The following DOT1L variants were observed in gnomAD, a reference collection of about 807,000 sequenced individuals.
DOT1L encodes the protein histone-lysine N-methyltransferase, H3 lysine-79 specific.
DOT1L carries 33 observed loss-of-function variants against 153.3 expected under a neutral mutation model. The ratio of observed to expected loss-of-function variants is 0.22; its 90% CI spans 0.16 to 0.29. The LOEUF (loss-of-function observed/expected upper bound fraction) is 0.29. Among genes scored for constraint, DOT1L ranks in the 10% least tolerant of loss-of-function variants. The pLI is 1.00. For synonymous variants in DOT1L, 1,135 were observed against 965.1 expected (o/e 1.18, Z -3.26); for missense variants, 1,847 against 2,119.9 (o/e 0.87, Z 2.53).
intron 22 of DOT1L, among the ~76,000 whole-genome samples, chr19:2,218,938 C>G (rs935762609): frequency 4.7e-4 from 71 of 152,284 alleles, no homozygotes; most frequent in African/African-American, 1.7e-3. Context: ...ATCTTGTGAT[C>G]TTTACTCACT....
rs915232957 is a variant in DOT1L at position 2,228,853 on chromosome 19, C to T, written c.4607-932C>T. The stretch of plus-strand genomic sequence containing the variant: ...CAGAGGTCCTGGAGAGCCAGGGTGG[C>T]TGGCTGGATGCCTCTGGTCGGGGCT... On this transcript the variant is annotated intron_variant, in intron 27 of 27. Coordinates refer to ENST00000398665, the MANE Select transcript of DOT1L (RefSeq NM_032482.3). 1.1e-5 allele frequency: 11 copies of T among 985,298 alleles called. No homozygotes were observed. The African/African-American group carries it at 1.7e-4, about 16-fold the overall frequency. 61.0% of individuals were successfully genotyped at this position (985,298 alleles called of 1,614,324 possible).
At chr19:2,176,227 G>T (rs1261502882) in intron 1 of DOT1L, among the ~76,000 whole-genome samples, 4 of 151,938 alleles carry the variant, frequency 2.6e-5, no homozygotes, top group Non-Finnish European at 5.9e-5. Flanking sequence ...CCAGCCCTCG[G>T]TCCACACAGC....
chr19:2,187,896 T>A (rs1278822619), intron 3 of DOT1L, among the ~76,000 whole-genome samples: 6 of 136,242 alleles, frequency 4.4e-5, no homozygotes, highest in Non-Finnish European at 9.2e-5. Context: ...CACTCCAGCC[T>A]GGGTGACAGA....
intron 1 of DOT1L, among the ~76,000 whole-genome samples, chr19:2,176,313 CTG>C (rs2021931957): frequency 6.6e-6 from 1 of 152,302 alleles, no homozygotes; most frequent in South Asian, 2.1e-4. Context: ...TCGGGGTGCA[CTG>C]CCTGGTGGGG....
At chr19:2,164,928 C>T (rs189121135) in intron 1 of DOT1L, among the ~76,000 whole-genome samples, 76 of 152,316 alleles carry the variant, frequency 5.0e-4, no homozygotes, top group African/African-American at 1.8e-3. Flanking sequence ...ATTGGGACTT[C>T]TCCCCGATCT....
chr19:2,172,252 C>T (rs558694711), intron 1 of DOT1L, among the ~76,000 whole-genome samples: 29 of 151,412 alleles, frequency 1.9e-4, no homozygotes, highest in Non-Finnish European at 3.7e-4. Flanking sequence ...TGCAGTGGCG[C>T]GATCTCTGCT....
At chr19:2,166,971 CT>C (rs2019946115) in intron 1 of DOT1L, among the ~76,000 whole-genome samples, 1 of 152,188 alleles carries the variant, frequency 6.6e-6, no homozygotes, top group African/African-American at 2.4e-5. Flanking sequence ...GCATGTTGCC[CT>C]TTGGTCCTGG....
At chr19:2,228,789 C>T (rs1202928836) in intron 27 of DOT1L, 6 of 985,394 alleles carry the variant, frequency 6.1e-6, no homozygotes, top group Non-Finnish European at 6.0e-6. Flanking sequence ...TGGTGCTGTT[C>T]CCCAGGCGCC....
intron 1 of DOT1L, among the ~76,000 whole-genome samples, chr19:2,169,470 G>A (rs1784558645): frequency 6.6e-6 from 1 of 152,154 alleles, no homozygotes; most frequent in Admixed American, 6.6e-5. Context: ...CTCTGCAGAT[G>A]ATACAGGGAC....
Position 2,208,409 on chromosome 19 carries a change from C to T in DOT1L, c.964-526C>T, listed in dbSNP as rs534589600. ...GAGCCTGCCTGGGGAGCGCTGGTGC[C>T]GTCTGGGGACCGACAGCCCCAGGCA... is the stretch of plus-strand genomic sequence containing the variant. On this transcript the variant is annotated intron_variant, in intron 11 of 27. Transcript: ENST00000398665. This position sits in a 1 kb window ranked among gnomAD's most constrained non-coding sequence, Gnocchi z 4.4. Among the ~76,000 whole-genome samples the T allele has an allele frequency of 1.9e-4, 29 of 152,230 alleles. No homozygotes were observed. The highest frequency in any genetic ancestry group is 4.6e-4 in the Admixed American group (7 of 15,292).
At chr19:2,225,284 C>A in intron 25 of DOT1L, 104 bp from the exon 26 acceptor site, 1 of 1,163,830 alleles carries the variant, frequency 8.6e-7, no homozygotes, top group Non-Finnish European at 1.3e-6. Context: ...GAGTGCTTCT[C>A]GTTCACCACC....
intron 10 of DOT1L, 129 bp downstream of exon 10, chr19:2,206,926 C>T: frequency 1.1e-6 from 1 of 937,676 alleles, no homozygotes; most frequent in Non-Finnish European, 1.7e-6. Context: ...GTGGGGCTGT[C>T]CTGGGCAGTG....
Position 2,216,499 on chromosome 19 carries a change from C to T in DOT1L, c.2142C>T (p.Asn714=), listed in dbSNP as rs371638901. The T allele has an allele frequency of 5.9e-5, 95 of 1,612,484 alleles. No homozygotes were observed. The highest frequency in any genetic ancestry group is 1.7e-4 in the Middle Eastern group (1 of 6,036). The change falls in exon 20 of 28, where the codon AAC becomes AAT. Residue 714 remains asparagine (N), a synonymous_variant. Transcript: ENST00000398665. ...LSSMSPELSM[N]GQAAGYELCG... ...GCATGAGCCCGGAGCTCTCCATGAACGGCCAGGCTGCTGGCTATGAGCTCT... is the reference window on the plus strand; with the variant it reads ...GCATGAGCCCGGAGCTCTCCATGAATGGCCAGGCTGCTGGCTATGAGCTCT...
chr19:2,174,992 GTGTATATA>G lies in DOT1L; in HGVS notation c.82-5719_82-5712del, dbSNP rs1307105016. ...TGTGTGTGTGTGTGTGTGTGTGTGT[GTGTATATA>G]TATATTTTTTTTTTTTTAGATGGAG... is the stretch of plus-strand genomic sequence containing the variant. On this transcript the variant is annotated intron_variant, in intron 1 of 27. Coordinates refer to ENST00000398665, the MANE Select transcript of DOT1L (RefSeq NM_032482.3). 1.0e-4 allele frequency among the ~76,000 whole-genome samples: 10 copies of G among 98,084 alleles called. No homozygotes were observed. In the East Asian group the frequency reaches 1.6e-3, roughly 16 times the overall value. The allele number at this position is 98,084 out of a possible 152,430, so 64.3% of individuals were successfully genotyped here.
rs2144971478 is a variant in DOT1L at position 2,231,029 on chromosome 19, G to A, written c.*1237G>A. 1 of 236,800 alleles carries A rather than the reference G, an allele frequency of 4.2e-6. No homozygotes were observed. The allele number at this position is 236,800 out of a possible 1,614,324, so 14.7% of individuals were successfully genotyped here. On this transcript the variant is annotated 3_prime_UTR_variant, in exon 28 of 28. Transcript: ENST00000398665. ...GTCGGCCCCCCACTCTGCAGCCTTG[G>A]CGGGTGCCTGGGACTGGGTGTGGAA...
At position 2,213,614 on chromosome 19, in the gene DOT1L, A is replaced by G. The variant is rs1490040020; in HGVS notation, c.1633A>G (p.Arg545Gly). ...CCAGGCCCAGAAGGAGGAGATCAGG[A>G]GGCTGTTTCAGCAAAAATTGGATGA... ...HCQAQKEEIRRLFQQKLDELG... is the reference protein window; with the variant it reads ...HCQAQKEEIRGLFQQKLDELG... Residue 545 changes from arginine to glycine, a missense_variant, in exon 17 of 28, where the codon AGG becomes GGG. Transcript: ENST00000398665. 1.2e-5 allele frequency: 20 copies of G among 1,613,644 alleles called. No homozygotes were observed. The highest frequency in any genetic ancestry group is 1.6e-5 in the Non-Finnish European group (19 of 1,179,996).
At position 2,223,365 on chromosome 19, in the gene DOT1L, G is replaced by A; in HGVS notation, c.3475G>A (p.Asp1159Asn). The change falls in exon 25 of 28, where the codon GAC becomes AAC. Residue 1159 changes from aspartate to asparagine, a missense_variant. Asp to Asn is a conservative substitution (Grantham distance 23, BLOSUM62 1). This residue lies in a region of DOT1L where 934 missense variants were observed against 825.3 expected (regional missense o/e 1.13). Coordinates refer to ENST00000398665, the MANE Select transcript of DOT1L (RefSeq NM_032482.3). ...GAAGAGCTCCCCTGTGCCCTACCAG[G>A]ACCACGACCAGCCCCCCGTGCTCAA... Reference protein sequence around the residue: ...SLKSSPVPYQDHDQPPVLKKE... With the variant: ...SLKSSPVPYQNHDQPPVLKKE... 1 of 1,613,750 alleles carries A rather than the reference G, an allele frequency of 6.2e-7. No individual in the cohort carries two copies. The highest frequency in any genetic ancestry group is 8.5e-7 in the Non-Finnish European group (1 of 1,179,968).
chr19:2,202,031 C>T (rs1007536449), intron 8 of DOT1L, among the ~76,000 whole-genome samples: 2 of 152,196 alleles, frequency 1.3e-5, no homozygotes, highest in African/African-American at 4.8e-5. Flanking sequence ...CACCCAGTTA[C>T]CCAGGTCTTT....
chr19:2,222,400 G>C lies in DOT1L; in HGVS notation c.3231G>C (p.Pro1077=). 2.5e-6 allele frequency: 4 copies of C among 1,611,002 alleles called. No homozygotes were observed. The highest frequency in any genetic ancestry group is 2.5e-6 in the Non-Finnish European group (3 of 1,179,060). ...CCAGCGCCCGTGGGGACTGTGTGCC[G>C]AGCCACGGGCAGGACAGTCGCAGGC... ...LTASARGDCV[P]SHGQDSRRRG... The change falls in exon 24 of 28, where the codon CCG becomes CCC. Residue 1077 remains proline (P), a synonymous_variant. Transcript: ENST00000398665. The surrounding 1 kb of genome is among the most constrained non-coding windows in gnomAD (Gnocchi z 6.5).
Sources: allele counts gnomAD v4.1 joint callset (sites outside exome capture counted in the v4.1 genomes callset), GRCh38; gene constraint gnomAD v4.1.1; regional missense constraint gnomAD v4.1.1; non-coding constraint Gnocchi (gnomAD v3.1); transcripts MANE v1.5; gene names NCBI Gene and HGNC (gene_info 2026-07-23, HGNC 2026-07-21).